The following VPS13D variants were observed in gnomAD, a reference collection of about 807,000 sequenced individuals.
The protein encoded by VPS13D is intermembrane lipid transfer protein VPS13D.
VPS13D carries 187 observed loss-of-function variants against 461.9 expected under a neutral mutation model. The ratio of observed to expected loss-of-function variants is 0.40; its 90% confidence interval spans 0.36 to 0.46. VPS13D has a LOEUF of 0.46. Among genes scored for constraint, VPS13D ranks in the 20% least tolerant of loss-of-function variants. The pLI, the probability that VPS13D is intolerant of heterozygous loss-of-function variation, is 0.60. For synonymous variants in VPS13D, 1,951 were observed against 1,986.3 expected, an observed-to-expected ratio of 0.98 and a Z score of 0.47; for missense variants, 4,711 against 5,364.9, an observed-to-expected ratio of 0.88 and a Z score of 3.81.
intron 22 of VPS13D, among the ~76,000 whole-genome samples, chr1:12,290,434 G>A (rs1028503436): frequency 5.3e-5 from 8 of 152,054 alleles, no homozygotes; most frequent in Non-Finnish European, 1.2e-4. Context: ...CTTTAAATAT[G>A]TAATGTTGCC....
chr1:12,497,737 C>T, intron 68 of VPS13D, 106 bp downstream of exon 68: 2 of 1,347,312 alleles, frequency 1.5e-6, no homozygotes, highest in Non-Finnish European at 2.0e-6. Context: ...GACTCTTGGA[C>T]CTTAGATCTG....
intron 63 of VPS13D, among the ~76,000 whole-genome samples, chr1:12,405,066 G>T (rs1258597118): frequency 6.6e-6 from 1 of 152,228 alleles, no homozygotes; most frequent in Non-Finnish European, 1.5e-5. Flanking sequence ...TAAGTCTAGG[G>T]TCCTAACGTA....
At chr1:12,472,200 G>A (rs1426258729) in intron 67 of VPS13D, among the ~76,000 whole-genome samples, 1 of 152,072 alleles carries the variant, frequency 6.6e-6, no homozygotes, top group African/African-American at 2.4e-5. Context: ...GGTGATTCTT[G>A]ACTATCTGTT....
intron 7 of VPS13D, among the ~76,000 whole-genome samples, chr1:12,254,738 G>A (rs1337630911): frequency 1.3e-5 from 2 of 151,120 alleles, no homozygotes; most frequent in African/African-American, 4.9e-5. Context: ...TGGCCAGGCC[G>A]GCTGGTCTCG....
In VPS13D at chr1:12,403,938, G is replaced by A. The variant is rs1213724179; in HGVS notation, c.11995G>A (p.Val3999Met). 17 of 1,610,908 alleles carry A rather than the reference G, an allele frequency of 1.1e-5. No individual in the cohort carries two copies. Among genetic ancestry groups the A allele is most frequent in the Admixed American group, 6.8e-5 (4 of 59,238 alleles). ...KISIPQIKLS[V>M]FTSNKLPLDL... ...CAGCATTCCTCAGATCAAGCTAAGT[G>A]TGTTCACCTCCAACAAGCTCCCATT... Residue 3999 changes from valine to methionine, a missense_variant, in exon 63 of 70, where the codon GTG becomes ATG. By Grantham distance (21) the Val-to-Met change is conservative. Around this residue, in one of 3 missense-constraint regions of VPS13D, gnomAD observed 4,411 missense variants for 4,937.8 expected, o/e 0.89. Transcript: ENST00000620676.
At chr1:12,385,794 A>C (rs1230331392) in intron 59 of VPS13D, among the ~76,000 whole-genome samples, 6 of 152,212 alleles carry the variant, frequency 3.9e-5, no homozygotes, top group Admixed American at 3.9e-4. Context: ...TTTTTGAAAA[A>C]ATCAAATGCC....
chr1:12,266,176 CAAAATA>C (rs1641261568), intron 13 of VPS13D, among the ~76,000 whole-genome samples: 1 of 151,922 alleles, frequency 6.6e-6, no homozygotes, highest in South Asian at 2.1e-4. Flanking sequence ...AAAAAGAAAA[CAAAATA>C]AAAAAGGAAA....
At chr1:12,422,681 C>T (rs1469611209) in intron 65 of VPS13D, among the ~76,000 whole-genome samples, 1 of 152,110 alleles carries the variant, frequency 6.6e-6, no homozygotes, top group African/African-American at 2.4e-5. Flanking sequence ...TGAGCACCTC[C>T]TGTTGGTTAG....
intron 35 of VPS13D, among the ~76,000 whole-genome samples, chr1:12,326,748 A>G (rs1643200378): frequency 6.6e-6 from 1 of 151,736 alleles, no homozygotes; most frequent in South Asian, 2.1e-4. Flanking sequence ...GGTGCAAGCG[A>G]TTCTCCTGTC....
intron 67 of VPS13D, among the ~76,000 whole-genome samples, chr1:12,477,257 AT>A (rs150107267): frequency 6.6e-6 from 1 of 151,740 alleles, no homozygotes; most frequent in Non-Finnish European, 1.5e-5. Flanking sequence ...TTGGTTTTGG[AT>A]TTTTTCTCTA....
chr1:12,428,716 G>T (rs1341945389), intron 65 of VPS13D, among the ~76,000 whole-genome samples: 4 of 152,144 alleles, frequency 2.6e-5, no homozygotes, highest in African/African-American at 9.7e-5. Context: ...ATTACAGCAG[G>T]CACCAGATTT....
At chr1:12,361,391 A>ATTTTTTT (rs1158608905) in intron 50 of VPS13D, among the ~76,000 whole-genome samples, 1 of 140,910 alleles carries the variant, frequency 7.1e-6, no homozygotes, top group African/African-American at 2.9e-5. Context: ...TTATTTATTT[A>ATTTTTTT]TTTATTTATT....
Position 12,257,925 on chromosome 1 carries a change from A to G in VPS13D, c.942-10A>G, listed in dbSNP as rs754029020. 2 of 1,613,984 alleles carry G rather than the reference A, an allele frequency of 1.2e-6. No individual in the cohort carries two copies. The highest frequency in any genetic ancestry group is 1.3e-5 in the African/African-American group (1 of 74,912). On this transcript the variant is annotated splice_polypyrimidine_tract_variant and intron_variant, in intron 9 of 69. Coordinates refer to ENST00000620676, the MANE Select transcript of VPS13D (RefSeq NM_015378.4). ...GTAAGAAGTGATTACATCGTTATGG[A>G]CTATTTCAGCTGCCGAGAATGGTGG...
At chr1:12,459,695 T>C (rs902991683) in intron 66 of VPS13D, among the ~76,000 whole-genome samples, 3 of 152,070 alleles carry the variant, frequency 2.0e-5, no homozygotes, top group African/African-American at 7.2e-5. Flanking sequence ...GCCAGGATGG[T>C]CTCGATCTCT....
At chr1:12,461,448 G>A (rs192653436) in intron 67 of VPS13D, among the ~76,000 whole-genome samples, 2 of 152,318 alleles carry the variant, frequency 1.3e-5, no homozygotes, top group East Asian at 3.9e-4. Context: ...CTTCCATCTG[G>A]AAGCAGCTGA....
At chr1:12,361,247 C>T in intron 50 of VPS13D, among the ~76,000 whole-genome samples, 1 of 151,892 alleles carries the variant, frequency 6.6e-6, no homozygotes, top group African/African-American at 2.4e-5. Flanking sequence ...TTTATTATTT[C>T]TATGATAAAT....
At chr1:12,329,233 A>T (rs1214802557) in intron 36 of VPS13D, among the ~76,000 whole-genome samples, 1 of 151,638 alleles carries the variant, frequency 6.6e-6, no homozygotes, top group East Asian at 1.9e-4. Context: ...TTATTTTTTG[A>T]GACAAGAGTC....
Position 12,510,375 on chromosome 1 carries a change from A to C in VPS13D, c.*1351A>C, listed in dbSNP as rs930412541. ...TAATCAATTTCTACAACCTTGTCACATGTAGCTGAGTCTGGGATGACTCAG... is the reference window on the plus strand; with the variant it reads ...TAATCAATTTCTACAACCTTGTCACCTGTAGCTGAGTCTGGGATGACTCAG... On this transcript the variant is annotated 3_prime_UTR_variant, in exon 70 of 70. Coordinates refer to ENST00000620676, the MANE Select transcript of VPS13D (RefSeq NM_015378.4). The C allele has an allele frequency of 1.3e-5, 2 of 152,182 alleles. No individual in the cohort carries two copies. Among genetic ancestry groups the C allele is most frequent in the African/African-American group, 2.4e-5 (1 of 41,444 alleles). 9.4% of individuals were successfully genotyped at this position (152,182 alleles called of 1,614,324 possible).
intron 37 of VPS13D, 73 bp downstream of exon 37, chr1:12,329,991 TA>T: frequency 1.5e-6 from 1 of 645,508 alleles, no homozygotes; most frequent in East Asian, 5.5e-5. Flanking sequence ...TATTGCTACG[TA>T]AATTTTACAT....
Sources: gnomAD v4.1 joint callset for allele counts (sites outside exome capture counted in the v4.1 genomes callset) on GRCh38, gnomAD v4.1.1 for gene constraint, gnomAD v4.1.1 regional missense constraint, MANE v1.5 for transcripts, NCBI Gene and HGNC (gene_info 2026-07-23, HGNC 2026-07-21) for gene names.